Variants in WIF1 observed in about 807,000 individuals in gnomAD.
The protein encoded by WIF1 is Wnt inhibitory factor 1.
WIF1 carries 35 observed loss-of-function variants against 53.5 expected under a neutral mutation model. The observed-to-expected ratio is 0.65, with a 90% CI of 0.50 to 0.87. The LOEUF is 0.87. Among genes scored for constraint, WIF1 ranks in the 40% least tolerant of loss-of-function variants. WIF1 has a pLI of 0.00. For synonymous variants in WIF1, 171 were observed against 170.4 expected (o/e 1.00, Z -0.03); for missense variants, 467 against 476.8 (o/e 0.98, Z 0.19).
intron 2 of WIF1, among the ~76,000 whole-genome samples, chr12:65,099,522 G>A (rs1883250051): frequency 6.6e-6 from 1 of 152,144 alleles, no homozygotes; most frequent in Admixed American, 6.6e-5. Context: ...ACCTTGAACT[G>A]TTGTATTCCA....
At position 65,121,100 on chromosome 12, in the gene WIF1, G is replaced by A; in HGVS notation, c.92C>T (p.Pro31Leu). The change falls in exon 1 of 10, where the codon CCG becomes CTG. Residue 31 changes from proline (P) to leucine (L), a missense_variant. Physicochemically the swap from Pro to Leu is moderately conservative, Grantham distance 98. Transcript: ENST00000286574. ...LLALRAEAGP[P>L]QEESLYLWID... is the part of the protein sequence containing the mutation. ...CCATAGGTACAGGCTCTCCTCCTGC[G>A]GCGGCCCGGCCTCCGCCCGCAGTGC... 3 of 1,545,376 alleles carry A rather than the reference G, an allele frequency of 1.9e-6. No homozygotes were observed. Among genetic ancestry groups the A allele is most frequent in the Non-Finnish European group, 2.6e-6 (3 of 1,144,002 alleles).
intron 3 of WIF1, among the ~76,000 whole-genome samples, chr12:65,073,871 G>A (rs1414718044): frequency 6.6e-6 from 1 of 152,126 alleles, no homozygotes; most frequent in Non-Finnish European, 1.5e-5. Flanking sequence ...AAAAGACTAT[G>A]TGTGTGTGGG....
intron 2 of WIF1, among the ~76,000 whole-genome samples, chr12:65,113,380 C>A (rs187181378): frequency 2.8e-4 from 43 of 152,224 alleles, no homozygotes; most frequent in South Asian, 1.5e-3. Context: ...GGATATCATA[C>A]CTTTCTGCTT....
chr12:65,114,109 G>A (rs1380843748), intron 2 of WIF1, among the ~76,000 whole-genome samples: 1 of 152,142 alleles, frequency 6.6e-6, no homozygotes, highest in African/African-American at 2.4e-5. Flanking sequence ...AAGTGTTTAA[G>A]GGTGTTTGGC....
intron 2 of WIF1, among the ~76,000 whole-genome samples, chr12:65,108,070 C>A (rs897355577): frequency 6.6e-6 from 1 of 152,220 alleles, no homozygotes; most frequent in African/African-American, 2.4e-5. Flanking sequence ...ACTCCTCCCC[C>A]AGCCGAGTTA....
chr12:65,073,172 T>G (rs574328634), intron 3 of WIF1, among the ~76,000 whole-genome samples: 4 of 152,310 alleles, frequency 2.6e-5, no homozygotes, highest in Admixed American at 6.5e-5. Context: ...GATCATGAAC[T>G]GCTACATCAC....
Position 65,061,906 on chromosome 12 carries a change from T to C in WIF1, c.826+575A>G, listed in dbSNP as rs546069093. 3.3e-5 allele frequency among the ~76,000 whole-genome samples: 5 copies of C among 152,372 alleles called. No individual in the cohort carries two copies. In the South Asian group the frequency reaches 1.0e-3, roughly 32 times the overall value. ...ACTTCAAAAAGATGGGATCATGCAG[T>C]AGGTAACTTTTTGTGTCTGGTTACT... On this transcript the variant is annotated intron_variant, in intron 7 of 9. Coordinates refer to ENST00000286574, the MANE Select transcript of WIF1 (RefSeq NM_007191.5).
intron 5 of WIF1, 59 bp downstream of exon 5, chr12:65,067,636 C>T (rs1330933296): frequency 7.9e-6 from 12 of 1,513,246 alleles, no homozygotes; most frequent in South Asian, 1.1e-5. Context: ...ACATGGGGCT[C>T]CTGCACGACA....
At chr12:65,113,745 C>T (rs374770674) in intron 2 of WIF1, among the ~76,000 whole-genome samples, 4 of 152,148 alleles carry the variant, frequency 2.6e-5, no homozygotes, top group Admixed American at 2.0e-4. Flanking sequence ...GGCATGTCTA[C>T]AACACCACAA....
At chr12:65,080,336 T>C (rs1882928299) in intron 2 of WIF1, among the ~76,000 whole-genome samples, 1 of 152,076 alleles carries the variant, frequency 6.6e-6, no homozygotes, top group South Asian at 2.1e-4. Flanking sequence ...GAATAAAGGG[T>C]CATAAGGCAG....
chr12:65,120,707 A>T, intron 1 of WIF1, 151 bp from the exon 2 acceptor site: 1 of 941,880 alleles, frequency 1.1e-6, no homozygotes, highest in Non-Finnish European at 1.5e-6. Context: ...ACTAAGATTA[A>T]TTTTTCTCTG....
rs561213027 is a variant in WIF1 at position 65,057,227 on chromosome 12, T to A, written c.827-1101A>T. ...GTGTGCAAGGCTGGCCAAGAGGCTG[T>A]GAGATGTGACACAAAAGGTGCCCAA... On this transcript the variant is annotated intron_variant, in intron 7 of 9. Coordinates refer to ENST00000286574, the MANE Select transcript of WIF1 (RefSeq NM_007191.5). Among the ~76,000 whole-genome samples the A allele has an allele frequency of 1.6e-3, 239 of 152,294 alleles. 1 individual carries two copies. Among genetic ancestry groups the A allele is most frequent in the African/African-American group, 5.6e-3 (233 of 41,558 alleles).
At chr12:65,118,013 A>T (rs1345516049) in intron 2 of WIF1, among the ~76,000 whole-genome samples, 1 of 152,176 alleles carries the variant, frequency 6.6e-6, no homozygotes, top group Non-Finnish European at 1.5e-5. Context: ...TCGTTACTGG[A>T]CTAATAATTT....
intron 2 of WIF1, among the ~76,000 whole-genome samples, chr12:65,079,163 T>TC (rs1363503817): frequency 1.3e-4 from 1 of 7,492 alleles, no homozygotes; most frequent in Non-Finnish European, 2.8e-4. Flanking sequence ...AGACTCCATC[T>TC]CAAAAAAAAA....
At chr12:65,111,505 AT>A (rs1883430350) in intron 2 of WIF1, among the ~76,000 whole-genome samples, 1 of 152,036 alleles carries the variant, frequency 6.6e-6, no homozygotes, top group African/African-American at 2.4e-5. Context: ...TCTGGTCTCT[AT>A]GCCTTGCCTC....
At chr12:65,078,061 C>G (rs1434506463) in intron 2 of WIF1, among the ~76,000 whole-genome samples, 2 of 151,954 alleles carry the variant, frequency 1.3e-5, no homozygotes, top group Non-Finnish European at 1.5e-5. Context: ...TAAAAACAGC[C>G]ACAATAGTTA....
At chr12:65,094,947 TA>T (rs1883181099) in intron 2 of WIF1, among the ~76,000 whole-genome samples, 3 of 140,794 alleles carry the variant, frequency 2.1e-5, no homozygotes, top group African/African-American at 7.8e-5. Flanking sequence ...TTTATTTATT[TA>T]TTTTGACAAG....
At chr12:65,096,693 G>A (rs1272900242) in intron 2 of WIF1, among the ~76,000 whole-genome samples, 2 of 152,128 alleles carry the variant, frequency 1.3e-5, no homozygotes, top group African/African-American at 4.8e-5. Flanking sequence ...GCCATAAAAA[G>A]AATGAGATCA....
chr12:65,119,297 C>A (rs1259951219), intron 2 of WIF1, among the ~76,000 whole-genome samples: 1 of 152,084 alleles, frequency 6.6e-6, no homozygotes, highest in Non-Finnish European at 1.5e-5. Flanking sequence ...GATGACTTTC[C>A]TGTTATAAAC....
Sources: gnomAD v4.1 joint callset for allele counts (sites outside exome capture counted in the v4.1 genomes callset) on GRCh38, gnomAD v4.1.1 for gene constraint, MANE v1.5 for transcripts, NCBI Gene and HGNC (gene_info 2026-07-23, HGNC 2026-07-21) for gene names.